Variants in KLHL1 observed in about 807,000 individuals in gnomAD.
KLHL1 encodes kelch-like protein 1.
A neutral mutation model predicts 77.7 loss-of-function variants in KLHL1; 47 were observed. The observed-to-expected ratio is 0.60, with a 90% CI of 0.48 to 0.77. The LOEUF (loss-of-function observed/expected upper bound fraction) is 0.77, where lower values mean the gene tolerates loss of function less well. Among genes scored for constraint, KLHL1 ranks in the 30% least tolerant of loss-of-function variants. The pLI, the probability that KLHL1 is intolerant of heterozygous loss-of-function variation, is 0.00. For synonymous variants in KLHL1, 360 were observed against 325.2 expected, an observed-to-expected ratio of 1.11 and a Z score of -1.15; for missense variants, 925 against 910.8, an observed-to-expected ratio of 1.02 and a Z score of -0.20.
Position 69,949,449 on chromosome 13 carries a change from A to G in KLHL1, c.818-9213T>C, listed in dbSNP as rs114229181. Among the ~76,000 whole-genome samples the G allele has an allele frequency of 1.7e-4, 26 of 151,912 alleles. No individual in the cohort carries two copies. The East Asian group carries it at 4.3e-3, about 25-fold the overall frequency. On this transcript the variant is annotated intron_variant, in intron 3 of 10. Transcript: ENST00000377844. ...TGAAGTTTCTGTCTCATCCCATGCTATTTAAGAAACATTATCAACGTGACT... is the reference window on the plus strand; with the variant it reads ...TGAAGTTTCTGTCTCATCCCATGCTGTTTAAGAAACATTATCAACGTGACT...
intron 9 of KLHL1, among the ~76,000 whole-genome samples, chr13:69,711,017 C>T (rs965796254): frequency 3.3e-5 from 5 of 151,842 alleles, no homozygotes; most frequent in East Asian, 1.9e-4. Context: ...TAAAGGCATA[C>T]GATAGTCACA....
chr13:69,764,401 C>A lies in KLHL1; in HGVS notation c.1640-23845G>T, dbSNP rs549022468. ...GAATCTATTCTGGTTCGAAGGGAGGCCCAATTTTCAAATCATTCTTTATTC... is the reference window on the plus strand; with the variant it reads ...GAATCTATTCTGGTTCGAAGGGAGGACCAATTTTCAAATCATTCTTTATTC... On this transcript the variant is annotated intron_variant, in intron 7 of 10. Transcript: ENST00000377844. Among the ~76,000 whole-genome samples, 22 of 152,180 alleles carry A rather than the reference C, an allele frequency of 1.4e-4. No individual in the cohort carries two copies. The South Asian group carries it at 2.9e-3, about 20-fold the overall frequency.
In KLHL1 at chr13:69,837,626, G is replaced by C. The variant is rs184585748; in HGVS notation, c.1414+1350C>G. On this transcript the variant is annotated intron_variant, in intron 6 of 10. Coordinates refer to ENST00000377844, the MANE Select transcript of KLHL1 (RefSeq NM_020866.3). ...TACATCTCTCTCTCTATATATATGTGTGTGTATATATATATATGTGTATAT... is the reference window on the plus strand; with the variant it reads ...TACATCTCTCTCTCTATATATATGTCTGTGTATATATATATATGTGTATAT... Among the ~76,000 whole-genome samples the C allele has an allele frequency of 6.2e-4, 82 of 132,548 alleles. 1 individual carries two copies. Among genetic ancestry groups the C allele is most frequent in the Admixed American group, 1.8e-3 (24 of 13,276 alleles). The allele number at this position is 132,548 out of a possible 152,430, so 87.0% of individuals were successfully genotyped here. A position where few individuals can be genotyped will look rare whatever the true frequency, so the allele number is the denominator to read the frequency against.
At chr13:70,043,181 G>C (rs1464739451) in intron 1 of KLHL1, among the ~76,000 whole-genome samples, 2 of 151,902 alleles carry the variant, frequency 1.3e-5, no homozygotes, top group Non-Finnish European at 2.9e-5. Context: ...TGGGATTACA[G>C]ACATGAGCCA....
Position 69,894,970 on chromosome 13 carries a change from A to G in KLHL1, c.1015-12475T>C, listed in dbSNP as rs2138215650. The stretch of plus-strand genomic sequence containing the variant: ...CTTGTCTACAAATGACAGAATGCTG[A>G]TGTAGTGTTCTGAGCTCACAAATGT... On this transcript the variant is annotated intron_variant, in intron 4 of 10. Transcript: ENST00000377844. 6 of 486,900 alleles carry G rather than the reference A, an allele frequency of 1.2e-5. 1 individual carries two copies. The highest frequency in any genetic ancestry group is 9.2e-5 in the South Asian group (6 of 64,932). 30.2% of individuals were successfully genotyped at this position (486,900 alleles called of 1,614,324 possible).
At chr13:70,047,191 G>A (rs190330518) in intron 1 of KLHL1, among the ~76,000 whole-genome samples, 44 of 150,434 alleles carry the variant, frequency 2.9e-4, no homozygotes, top group Middle Eastern at 3.5e-3. Flanking sequence ...TAAAAACACA[G>A]TATTGTAGAT....
chr13:69,915,677 G>A (rs992096497), intron 4 of KLHL1, among the ~76,000 whole-genome samples: 4 of 152,026 alleles, frequency 2.6e-5, no homozygotes, highest in Admixed American at 2.0e-4. Context: ...CAGGACATAG[G>A]CATGGGCAAG....
intron 4 of KLHL1, among the ~76,000 whole-genome samples, chr13:69,896,911 C>T (rs1381252777): frequency 6.6e-6 from 1 of 151,972 alleles, no homozygotes; most frequent in Non-Finnish European, 1.5e-5. Flanking sequence ...ACCTCATGAT[C>T]CGCCCGCCTC....
chr13:70,065,646 TC>T (rs1181452432), intron 1 of KLHL1, among the ~76,000 whole-genome samples: 1 of 152,182 alleles, frequency 6.6e-6, no homozygotes, highest in African/African-American at 2.4e-5. Context: ...ACAAAAGATT[TC>T]CCTTTGGATT....
intron 7 of KLHL1, among the ~76,000 whole-genome samples, chr13:69,752,342 T>C (rs1874524671): frequency 6.6e-6 from 1 of 152,112 alleles, no homozygotes; most frequent in Admixed American, 6.6e-5. Context: ...TTGATTTATC[T>C]AAGCAATTAA....
chr13:69,989,959 C>T (rs1416554920), intron 1 of KLHL1, among the ~76,000 whole-genome samples: 7 of 151,860 alleles, frequency 4.6e-5, no homozygotes. Flanking sequence ...TTATTTCTTT[C>T]TCTAAGTCTA....
intron 1 of KLHL1, among the ~76,000 whole-genome samples, chr13:70,093,514 A>T (rs1887718794): frequency 6.6e-6 from 1 of 152,202 alleles, no homozygotes; most frequent in Admixed American, 6.5e-5. Flanking sequence ...TAAAGAAAAA[A>T]TATCATATTC....
At chr13:69,742,041 A>G (rs1392229513) in intron 7 of KLHL1, among the ~76,000 whole-genome samples, 1 of 152,154 alleles carries the variant, frequency 6.6e-6, no homozygotes, top group Non-Finnish European at 1.5e-5. Flanking sequence ...TTTGTTTTAG[A>G]AGAGTTGAGT....
At chr13:69,857,058 G>T (rs1879946776) in intron 5 of KLHL1, among the ~76,000 whole-genome samples, 1 of 151,996 alleles carries the variant, frequency 6.6e-6, no homozygotes, top group African/African-American at 2.4e-5. Context: ...TTCCGAACCT[G>T]ATAGAACACT....
intron 6 of KLHL1, among the ~76,000 whole-genome samples, chr13:69,799,966 C>A (rs1332356182): frequency 6.6e-6 from 1 of 152,084 alleles, no homozygotes; most frequent in African/African-American, 2.4e-5. Context: ...CTAGGTTGAT[C>A]ATACCATATG....
chr13:69,813,394 A>G lies in KLHL1; in HGVS notation c.1415-16432T>C, dbSNP rs143393971. Among the ~76,000 whole-genome samples the G allele has an allele frequency of 5.4e-4, 82 of 152,082 alleles. 1 individual carries two copies. The highest frequency in any genetic ancestry group is 1.9e-3 in the African/African-American group (79 of 41,462). On this transcript the variant is annotated intron_variant, in intron 6 of 10. Coordinates refer to ENST00000377844, the MANE Select transcript of KLHL1 (RefSeq NM_020866.3). ...ATGTAAATAACGAGTTAATGGGTAC[A>G]GCACACCAACATGACACATGTATAC...
intron 7 of KLHL1, among the ~76,000 whole-genome samples, chr13:69,780,725 TATATATAC>T (rs1566243944): frequency 0.014 from 805 of 56,494 alleles, 42 homozygotes; most frequent in Non-Finnish European, 0.021. Context: ...TGTATATATA[TATATATAC>T]ATATATATAT....
At chr13:69,964,666 C>T (rs957510062) in intron 2 of KLHL1, among the ~76,000 whole-genome samples, 5 of 152,102 alleles carry the variant, frequency 3.3e-5, no homozygotes, top group Non-Finnish European at 7.4e-5. Context: ...AATCTTAATT[C>T]ATTTTACACT....
At chr13:69,962,348 T>G (rs1313288814) in intron 2 of KLHL1, among the ~76,000 whole-genome samples, 3 of 152,110 alleles carry the variant, frequency 2.0e-5, no homozygotes, top group Non-Finnish European at 4.4e-5. Flanking sequence ...TTGCTAGTTC[T>G]TTTGATTCTG....
Sources: allele counts gnomAD v4.1 joint callset (sites outside exome capture counted in the v4.1 genomes callset), GRCh38; gene constraint gnomAD v4.1.1; transcripts MANE v1.5; gene names NCBI Gene and HGNC (gene_info 2026-07-23, HGNC 2026-07-21).